Variants in CHRM3 observed in about 807,000 individuals in gnomAD.
The protein encoded by CHRM3 is muscarinic acetylcholine receptor M3.
In CHRM3, 11 loss-of-function variants were observed where a neutral mutation model predicts 41.8. The observed-to-expected ratio is 0.26, with a 90% confidence interval of 0.17 to 0.44. CHRM3 has a LOEUF of 0.44. Among genes scored for constraint, CHRM3 ranks in the 20% least tolerant of loss-of-function variants. The pLI, the probability that CHRM3 is intolerant of heterozygous loss-of-function variation, is 1.00. For synonymous variants in CHRM3, 297 were observed against 301.4 expected, an observed-to-expected ratio of 0.99 and a Z score of 0.15; for missense variants, 571 against 745.4, an observed-to-expected ratio of 0.77 and a Z score of 2.72.
chr1:239,579,498 T>A (rs532240259), intron 3 of CHRM3, among the ~76,000 whole-genome samples: 1 of 152,186 alleles, frequency 6.6e-6, no homozygotes, highest in African/African-American at 2.4e-5. Flanking sequence ...GACTATCACT[T>A]GTGGATTCTT....
chr1:239,662,022 A>G lies in CHRM3; in HGVS notation c.-249-16164A>G, dbSNP rs550054557. Among the ~76,000 whole-genome samples the G allele has an allele frequency of 3.3e-5, 5 of 152,180 alleles. No individual in the cohort carries two copies. The East Asian group carries it at 5.8e-4, about 18-fold the overall frequency. On this transcript the variant is annotated intron_variant, in intron 4 of 6. Transcript: ENST00000676153. ...TAATAAAGCCTATTAATTAAAAAAA[A>G]CAGAATAGAATAGAATGTATCTAAG...
chr1:239,816,970 A>T, intron 5 of CHRM3, among the ~76,000 whole-genome samples: 1 of 151,802 alleles, frequency 6.6e-6, no homozygotes, highest in East Asian at 1.9e-4. Flanking sequence ...TGACTCCCCC[A>T]CCTCGGCCTC....
At chr1:239,730,823 G>A (rs887205823) in intron 5 of CHRM3, among the ~76,000 whole-genome samples, 1 of 151,832 alleles carries the variant, frequency 6.6e-6, no homozygotes, top group Non-Finnish European at 1.5e-5. Context: ...GGTTCATGGG[G>A]ACATTGGGAA....
intron 5 of CHRM3, among the ~76,000 whole-genome samples, chr1:239,754,303 A>G (rs1666066339): frequency 6.6e-6 from 1 of 152,208 alleles, no homozygotes; most frequent in Admixed American, 6.5e-5. Context: ...TTGACCCACC[A>G]ATCATTTAAT....
At chr1:239,455,793 T>A (rs1004041416) in intron 1 of CHRM3, among the ~76,000 whole-genome samples, 15 of 152,164 alleles carry the variant, frequency 9.9e-5, no homozygotes, top group South Asian at 2.1e-4. Flanking sequence ...AAGAAAAAAA[T>A]TTTAAATAAA....
At chr1:239,512,492 C>T (rs1668989193) in intron 2 of CHRM3, among the ~76,000 whole-genome samples, 1 of 152,156 alleles carries the variant, frequency 6.6e-6, no homozygotes, top group Non-Finnish European at 1.5e-5. Flanking sequence ...GATGACTCTA[C>T]CACTGTTTGC....
intron 1 of CHRM3, among the ~76,000 whole-genome samples, chr1:239,407,667 T>C (rs1660721113): frequency 6.6e-6 from 1 of 152,144 alleles, no homozygotes; most frequent in African/African-American, 2.4e-5. Flanking sequence ...GTGGTACACC[T>C]GAAGAACAAT....
At chr1:239,525,932 A>G (rs1669966560) in intron 2 of CHRM3, among the ~76,000 whole-genome samples, 1 of 152,214 alleles carries the variant, frequency 6.6e-6, no homozygotes, top group Non-Finnish European at 1.5e-5. Context: ...CAGTTAAATC[A>G]GAGTCCTGGG....
At chr1:239,424,115 T>A (rs1662179889) in intron 1 of CHRM3, among the ~76,000 whole-genome samples, 1 of 151,862 alleles carries the variant, frequency 6.6e-6, no homozygotes. Context: ...TTGTGGAGCT[T>A]TATTGAATAT....
intron 3 of CHRM3, among the ~76,000 whole-genome samples, chr1:239,613,533 GAC>G (rs1268560153): frequency 6.6e-6 from 1 of 152,182 alleles, no homozygotes; most frequent in East Asian, 1.9e-4. Context: ...CGGCATCCCA[GAC>G]ACACAGACAA....
At chr1:239,456,939 C>T (rs774595789) in intron 1 of CHRM3, among the ~76,000 whole-genome samples, 1 of 152,186 alleles carries the variant, frequency 6.6e-6, no homozygotes, top group Non-Finnish European at 1.5e-5. Flanking sequence ...AGCTTATCTA[C>T]CTCTAACATC....
chr1:239,469,826 G>A (rs879631249), intron 1 of CHRM3, among the ~76,000 whole-genome samples: 2 of 152,044 alleles, frequency 1.3e-5, no homozygotes, highest in Non-Finnish European at 2.9e-5. Flanking sequence ...CAAAGTGCTG[G>A]GATTACAGGC....
chr1:239,535,758 C>T (rs1658136313), intron 2 of CHRM3, among the ~76,000 whole-genome samples: 1 of 151,836 alleles, frequency 6.6e-6, no homozygotes, highest in African/African-American at 2.4e-5. Flanking sequence ...AGCTTGTTTC[C>T]CTAGGATCAA....
At chr1:239,406,114 A>T (rs960026350) in intron 1 of CHRM3, among the ~76,000 whole-genome samples, 3 of 151,892 alleles carry the variant, frequency 2.0e-5, no homozygotes, top group African/African-American at 4.8e-5. Flanking sequence ...CTGATCTCGA[A>T]CTCCTGACCT....
intron 6 of CHRM3, among the ~76,000 whole-genome samples, chr1:239,895,651 G>T (rs995990842): frequency 3.9e-5 from 6 of 152,126 alleles, no homozygotes; most frequent in African/African-American, 1.4e-4. Context: ...TAAAAAATGA[G>T]ATCATGTCCT....
At chr1:239,470,492 G>C (rs867021817) in intron 1 of CHRM3, among the ~76,000 whole-genome samples, 1 of 152,222 alleles carries the variant, frequency 6.6e-6, no homozygotes, top group Admixed American at 6.5e-5. Flanking sequence ...TTGGATCTGG[G>C]TTGTGGAGTG....
chr1:239,829,270 G>A (rs567599607), intron 6 of CHRM3, among the ~76,000 whole-genome samples: 8 of 152,216 alleles, frequency 5.3e-5, no homozygotes, highest in East Asian at 1.9e-4. Flanking sequence ...AAGAAAAACC[G>A]CTAGCTTTGC....
chr1:239,639,829 C>CCTCTCA (rs1670903629), intron 4 of CHRM3, among the ~76,000 whole-genome samples: 1 of 146,924 alleles, frequency 6.8e-6, no homozygotes, highest in East Asian at 2.0e-4. Flanking sequence ...AGAGGGCATC[C>CCTCTCA]CTGTCTTGTG....
intron 5 of CHRM3, among the ~76,000 whole-genome samples, chr1:239,813,614 A>G (rs55831982): frequency 0.25 from 38,257 of 151,810 alleles, 5,288 homozygotes; most frequent in African/African-American, 0.37. Flanking sequence ...GTGAAGTAAC[A>G]GAAACCATCA....
Sources: gnomAD v4.1 joint callset for allele counts (sites outside exome capture counted in the v4.1 genomes callset) on GRCh38, gnomAD v4.1.1 for gene constraint, MANE v1.5 for transcripts, NCBI Gene and HGNC (gene_info 2026-07-23, HGNC 2026-07-21) for gene names.